ZNF138: variants seen among roughly 807,000 people sequenced by gnomAD.
ZNF138 encodes zinc finger protein 138 (clone pHZ-32).
Under a neutral mutation model 33.0 loss-of-function variants are expected in ZNF138, and 33 were observed. The observed-to-expected ratio is 1.00, with a 90% CI of 0.76 to 1.34. The LOEUF is 1.34. ZNF138 is among the 40% of genes most tolerant of loss of function. The pLI, the probability that ZNF138 is intolerant of heterozygous loss-of-function variation, is 0.00. For synonymous variants in ZNF138, 139 were observed against 120.4 expected (o/e 1.15, Z -1.01); for missense variants, 360 against 370.8 (o/e 0.97, Z 0.24).
At chr7:64,798,565 G>T (rs1367872573) in intron 1 of ZNF138, among the ~76,000 whole-genome samples, 1 of 152,222 alleles carries the variant, frequency 6.6e-6, no homozygotes, top group Non-Finnish European at 1.5e-5. Context: ...GCCAAGGCGG[G>T]TGGATCACCT....
At position 64,815,132 on chromosome 7, in the gene ZNF138, A is replaced by C. The variant is rs905336951; in HGVS notation, c.130+88A>C. On this transcript the variant is annotated intron_variant, in intron 2 of 3. Coordinates refer to ENST00000307355, the MANE Select transcript of ZNF138 (RefSeq NM_001271639.2). The stretch of plus-strand genomic sequence containing the variant: ...TGGGTAGAATGTCTTTTGGTAATTT[A>C]TGCTTTGCATAAATGAGTTTCAGAT... 5.4e-6 allele frequency: 7 copies of C among 1,291,550 alleles called. No individual in the cohort carries two copies. The East Asian group carries it at 1.9e-4, about 35-fold the overall frequency. The allele number at this position is 1,291,550 out of a possible 1,614,324, so 80.0% of individuals were successfully genotyped here.
chr7:64,810,239 T>C (rs1292608712), intron 1 of ZNF138, among the ~76,000 whole-genome samples: 2 of 150,206 alleles, frequency 1.3e-5, no homozygotes, highest in African/African-American at 4.9e-5. Flanking sequence ...GTGGATCACT[T>C]GCGGTTAGGG....
chr7:64,796,005 G>A lies in ZNF138; in HGVS notation c.3+1434G>A, dbSNP rs1209285532. Reference sequence around the variant, plus strand: ...CCCTGGGGCTGAGAGGAATCTCCTGGTGTACTCTTCCTTTGAAAAGCAAAC... The same window carrying A: ...CCCTGGGGCTGAGAGGAATCTCCTGATGTACTCTTCCTTTGAAAAGCAAAC... On this transcript the variant is annotated intron_variant, in intron 1 of 3. Coordinates refer to ENST00000307355, the MANE Select transcript of ZNF138 (RefSeq NM_001271639.2). 3.9e-5 allele frequency among the ~76,000 whole-genome samples: 6 copies of A among 152,170 alleles called. No individual in the cohort carries two copies. The South Asian group carries it at 6.2e-4, about 16-fold the overall frequency.
intron 3 of ZNF138, among the ~76,000 whole-genome samples, chr7:64,827,920 C>T (rs1267904503): frequency 1.3e-5 from 2 of 152,058 alleles, no homozygotes; most frequent in Non-Finnish European, 2.9e-5. Flanking sequence ...CAATTTAAGA[C>T]AGTGTGGAGC....
chr7:64,810,298 C>T (rs1324269972), intron 1 of ZNF138, among the ~76,000 whole-genome samples: 1 of 148,928 alleles, frequency 6.7e-6, no homozygotes, highest in East Asian at 2.0e-4. Context: ...TCCACCAAAA[C>T]CAGTCAGGCG....
In ZNF138 at chr7:64,831,510, C is replaced by G; in HGVS notation, c.268C>G (p.Gln90Glu). The change falls in exon 4 of 4, where the codon CAA (glutamine) becomes GAA (glutamate). Residue 90 changes from glutamine to glutamate, a missense_variant. Coordinates refer to ENST00000307355, the MANE Select transcript of ZNF138 (RefSeq NM_001271639.2). ...AGAGCAGAACATAAAAGATTCTTTC[C>G]AAAAAGTGACACTGAGCAGATATGG... ...WLEQNIKDSF[Q>E]KVTLSRYGKY... 6.2e-7 allele frequency: 1 copy of G among 1,605,600 alleles called. No homozygotes were observed. Among genetic ancestry groups the G allele is most frequent in the Non-Finnish European group, 8.5e-7 (1 of 1,177,556 alleles).
intron 1 of ZNF138, among the ~76,000 whole-genome samples, chr7:64,797,068 A>AGG (rs1786747625): frequency 6.6e-6 from 1 of 152,200 alleles, no homozygotes; most frequent in Non-Finnish European, 1.5e-5. Flanking sequence ...AGAAAGAAAG[A>AGG]AAATGAATAC....
At chr7:64,834,997 G>C (rs1790320819), downstream of ZNF138, among the ~76,000 whole-genome samples, 1 of 152,220 alleles carries the variant, frequency 6.6e-6, no homozygotes, top group South Asian at 2.1e-4. Context: ...CTGGTCCACA[G>C]GGGGAGGGCC....
the ZNF138 span, among the ~76,000 whole-genome samples, chr7:64,840,239 GTAT>G: frequency 3.9e-5 from 6 of 152,054 alleles, no homozygotes; most frequent in African/African-American, 7.2e-5. Context: ...ATTCAATGAA[GTAT>G]TATTATGCCA....
the ZNF138 span, among the ~76,000 whole-genome samples, chr7:64,850,450 C>T: frequency 6.6e-6 from 1 of 152,178 alleles, no homozygotes; most frequent in African/African-American, 2.4e-5. Flanking sequence ...CAATCTAGCC[C>T]TTGCCTCCTG....
chr7:64,796,657 T>C (rs953492374), intron 1 of ZNF138, among the ~76,000 whole-genome samples: 1 of 152,102 alleles, frequency 6.6e-6, no homozygotes, highest in Non-Finnish European at 1.5e-5. Flanking sequence ...TATGGCTGGG[T>C]GATGTCCAAG....
At chr7:64,800,401 T>A (rs781335999) in intron 1 of ZNF138, among the ~76,000 whole-genome samples, 2 of 152,208 alleles carry the variant, frequency 1.3e-5, no homozygotes, top group South Asian at 2.1e-4. Context: ...ACATGAAAGA[T>A]GTTAAAATTT....
intron 1 of ZNF138, among the ~76,000 whole-genome samples, chr7:64,798,684 C>A (rs1248073810): frequency 4.7e-5 from 7 of 150,044 alleles, no homozygotes; most frequent in African/African-American, 1.7e-4. Context: ...GAGGCTGAGA[C>A]AGGAGAAACG....
At chr7:64,844,540 G>C in the ZNF138 span, among the ~76,000 whole-genome samples, 1 of 151,938 alleles carries the variant, frequency 6.6e-6, no homozygotes, top group African/African-American at 2.4e-5. Context: ...TTCTGCATCC[G>C]CAAAATGAGA....
In ZNF138 at chr7:64,811,885, C is replaced by G. The variant is rs117876853; in HGVS notation, c.4-3033C>G. On this transcript the variant is annotated intron_variant, in intron 1 of 3. Transcript: ENST00000307355. ...TGAACCCTTTCCAAACCTGCAGTAT[C>G]ACATTACATAGGGTGAGTCCAAAAT... is the stretch of plus-strand genomic sequence containing the variant. Among the ~76,000 whole-genome samples the G allele has an allele frequency of 1.1e-3, 167 of 152,222 alleles. 3 individuals are homozygous for G. The East Asian group carries it at 0.031, about 28-fold the overall frequency.
At chr7:64,820,846 G>A (rs1220702218) in intron 3 of ZNF138, among the ~76,000 whole-genome samples, 3 of 151,328 alleles carry the variant, frequency 2.0e-5, no homozygotes, top group South Asian at 2.1e-4. Context: ...TTACAGGCGT[G>A]AGCCACTGCA....
Position 64,802,525 on chromosome 7 carries a change from A to AT in ZNF138, c.3+7964dup, listed in dbSNP as rs55700405. Among the ~76,000 whole-genome samples, 1,393 of 151,070 alleles carry AT rather than the reference A, an allele frequency of 9.2e-3. 24 individuals carry two copies. The highest frequency in any genetic ancestry group is 0.032 in the African/African-American group (1,306 of 41,094). On this transcript the variant is annotated intron_variant, in intron 1 of 3. Transcript: ENST00000307355. Reference sequence around the variant, plus strand: ...ATATATTTTGGTGTTAAATATTTTGATTTTTTTTTTCTTGTCTCATAATGT... The same window carrying AT: ...ATATATTTTGGTGTTAAATATTTTGATTTTTTTTTTTCTTGTCTCATAATGT...
chr7:64,831,444 CT>C lies in ZNF138; in HGVS notation c.209-4del. ...TGGAGTAATTTGTTATTTTTTGTTTCTTTCAGCTCTGTGTTCTCGTTTTGCC... is the reference window on the plus strand; with the variant it reads ...TGGAGTAATTTGTTATTTTTTGTTTCTTCAGCTCTGTGTTCTCGTTTTGCC... On this transcript the variant is annotated splice_polypyrimidine_tract_variant and splice_region_variant and intron_variant, in intron 3 of 3. Transcript: ENST00000307355. 6.6e-7 allele frequency: 1 copy of C among 1,525,916 alleles called. No individual in the cohort carries two copies. The highest frequency in any genetic ancestry group is 1.4e-5 in the South Asian group (1 of 73,230). 94.5% of individuals were successfully genotyped at this position (1,525,916 alleles called of 1,614,324 possible).
chr7:64,855,364 C>T, the ZNF138 span, among the ~76,000 whole-genome samples: 2 of 152,118 alleles, frequency 1.3e-5, no homozygotes, highest in Non-Finnish European at 2.9e-5. Context: ...CCTGGTAAGT[C>T]AGAGACGCTT....
Sources: gnomAD v4.1 joint callset for allele counts (sites outside exome capture counted in the v4.1 genomes callset) on GRCh38, gnomAD v4.1.1 for gene constraint, MANE v1.5 for transcripts, NCBI Gene and HGNC (gene_info 2026-07-23, HGNC 2026-07-21) for gene names.